The following DPP8 variants were observed in gnomAD, a reference collection of about 807,000 sequenced individuals.
DPP8 encodes DPP VIII.
A neutral mutation model predicts 107.5 loss-of-function variants in DPP8; 31 were observed. That is an observed-to-expected ratio of 0.29 (90% confidence interval 0.22 to 0.39). The LOEUF (loss-of-function observed/expected upper bound fraction) is 0.39. Ranked by LOEUF, DPP8 falls within the 10% of genes least tolerant of loss-of-function variation. The probability of loss-of-function intolerance (pLI) is 1.00; values close to 1 mark genes in which losing one functional copy is unlikely to be tolerated. For synonymous variants in DPP8, 381 were observed against 356.6 expected (o/e 1.07, Z -0.77); for missense variants, 842 against 1,076.1 (o/e 0.78, Z 3.04).
chr15:65,494,856 T>C (rs891558658), intron 5 of DPP8, among the ~76,000 whole-genome samples: 1 of 152,244 alleles, frequency 6.6e-6, no homozygotes, highest in African/African-American at 2.4e-5. Context: ...ATGCTCTAGA[T>C]TTAGGCCATA....
At chr15:65,479,450 C>G (rs2066698058) in intron 10 of DPP8, among the ~76,000 whole-genome samples, 2 of 152,138 alleles carry the variant, frequency 1.3e-5, no homozygotes, top group Admixed American at 1.3e-4. Context: ...ATAGGTGAAT[C>G]ATATGAAGCT....
intron 6 of DPP8, among the ~76,000 whole-genome samples, chr15:65,488,295 A>G (rs2067635244): frequency 6.6e-6 from 1 of 152,112 alleles, no homozygotes; most frequent in Non-Finnish European, 1.5e-5. Context: ...GCTTAAAAGT[A>G]TTTTTCAGGG....
At position 65,442,584 on chromosome 15, in the gene DPP8, TA is replaced by T. The variant is rs2140264875; in HGVS notation, c.*4299del. ...CTAAAAATGAGAAAACCCATAAGCT[TA>T]CTGGAGACATGCAATTCTTTTTATA... On this transcript the variant is annotated 3_prime_UTR_variant, in exon 20 of 20. Coordinates refer to ENST00000300141, the MANE Select transcript of DPP8 (RefSeq NM_130434.5). 1 of 152,326 alleles carries T rather than the reference TA, an allele frequency of 6.6e-6. No individual in the cohort carries two copies. Among genetic ancestry groups the T allele is most frequent in the African/African-American group, 2.4e-5 (1 of 41,580 alleles). 9.4% of individuals were successfully genotyped at this position (152,326 alleles called of 1,614,324 possible). A position where few individuals can be genotyped will look rare whatever the true frequency, so the allele number is the denominator to read the frequency against.
chr15:65,472,834 G>A (rs1683772685), intron 12 of DPP8, among the ~76,000 whole-genome samples: 1 of 152,110 alleles, frequency 6.6e-6, no homozygotes, highest in African/African-American at 2.4e-5. Flanking sequence ...TAGCTCAGGA[G>A]TTTGAGACCA....
At chr15:65,515,574 G>A in intron 1 of DPP8, 4 of 1,199,840 alleles carry the variant, frequency 3.3e-6, no homozygotes, top group Non-Finnish European at 4.9e-6. Flanking sequence ...AGGAAAATAG[G>A]GTCAGTGTAC....
chr15:65,507,198 T>C, intron 3 of DPP8, 45 bp downstream of exon 3: 2 of 1,131,534 alleles, frequency 1.8e-6, no homozygotes, highest in South Asian at 1.5e-5. Context: ...ATGCAGTATC[T>C]GAATACATAC....
intron 6 of DPP8, 148 bp downstream of exon 6, chr15:65,490,041 T>C (rs2067868888): frequency 3.3e-6 from 2 of 614,936 alleles, no homozygotes; most frequent in Non-Finnish European, 5.7e-6. Context: ...TTTAAATAAC[T>C]ATGGGCATGA....
chr15:65,478,383 C>T lies in DPP8; in HGVS notation c.1456+497G>A, dbSNP rs373359327. On this transcript the variant is annotated intron_variant, in intron 11 of 19. Transcript: ENST00000300141. ...AAGTGATTTTCCTGCCTCAGCTTCC[C>T]GAGTAAGCTAAGACTACAGGTGCAC... Among the ~76,000 whole-genome samples the T allele has an allele frequency of 4.6e-5, 7 of 152,126 alleles. No homozygotes were observed. In the East Asian group the frequency reaches 5.8e-4, roughly 13 times the overall value.
intron 19 of DPP8, among the ~76,000 whole-genome samples, chr15:65,449,372 A>C (rs2063799078): frequency 6.6e-6 from 1 of 151,338 alleles, no homozygotes; most frequent in South Asian, 2.1e-4. Context: ...AGTATCAAAG[A>C]ATAGTATTTA....
chr15:65,512,627 T>C (rs752006441), intron 1 of DPP8, 63 bp from the exon 2 acceptor site: 1 of 1,558,316 alleles, frequency 6.4e-7, no homozygotes, highest in Non-Finnish European at 8.7e-7. Context: ...AATGATTCTC[T>C]GAGAGGGTCA....
chr15:65,509,739 G>A lies in DPP8; in HGVS notation c.260-2384C>T, dbSNP rs189618678. On this transcript the variant is annotated intron_variant, in intron 2 of 19. Coordinates refer to ENST00000300141, the MANE Select transcript of DPP8 (RefSeq NM_130434.5). ...ATTTCTTATAAAAGAAAAGATTTCT[G>A]GCCAGGTGTAGTGGCTCACATCTGC... Among the ~76,000 whole-genome samples, 351 of 152,282 alleles carry A rather than the reference G, an allele frequency of 2.3e-3. 2 individuals carry two copies. The highest frequency in any genetic ancestry group is 0.01 in the South Asian group (49 of 4,834).
intron 3 of DPP8, 72 bp from the exon 4 acceptor site, chr15:65,500,851 A>T: frequency 2.0e-6 from 2 of 992,140 alleles, no homozygotes; most frequent in South Asian, 1.7e-5. Flanking sequence ...CTGAAATCCT[A>T]GAATCTCCAA....
chr15:65,461,199 T>C (rs1471706806), intron 15 of DPP8, among the ~76,000 whole-genome samples: 5 of 152,104 alleles, frequency 3.3e-5, no homozygotes, highest in Non-Finnish European at 5.9e-5. Context: ...GGCTGGAGTA[T>C]AGCGGCATGA....
intron 18 of DPP8, among the ~76,000 whole-genome samples, chr15:65,451,731 C>T (rs2063988829): frequency 6.6e-6 from 1 of 151,598 alleles, no homozygotes; most frequent in African/African-American, 2.4e-5. Flanking sequence ...TTGAGACCAC[C>T]CTAGGCAACA....
At chr15:65,517,208 G>A (rs2071558172) in intron 1 of DPP8, 1 of 152,272 alleles carries the variant, frequency 6.6e-6, no homozygotes, top group African/African-American at 2.4e-5. Context: ...TAACGGACGT[G>A]GAAGCCAGGA....
At chr15:65,450,851 G>A in intron 19 of DPP8, 148 bp downstream of exon 19, 2 of 558,954 alleles carry the variant, frequency 3.6e-6, no homozygotes, top group Non-Finnish European at 6.3e-6. Context: ...TCCAACTACA[G>A]GCACTACTAA....
intron 8 of DPP8, among the ~76,000 whole-genome samples, chr15:65,482,427 A>G (rs2067014072): frequency 6.6e-6 from 1 of 151,938 alleles, no homozygotes; most frequent in Admixed American, 6.6e-5. Context: ...GATTATGGGT[A>G]TATACCACCA....
rs369630546 is a variant in DPP8 at position 65,466,672 on chromosome 15, G to C, written c.1825+6C>G. 2.8e-4 allele frequency: 459 copies of C among 1,613,310 alleles called. 1 individual carries two copies. In the African/African-American group the frequency reaches 5.3e-3, roughly 19 times the overall value. ...TAACGTCAGGATCAGGGGGAAAAAA[G>C]AATACCTGCTGAATCCAAAATGGTG... On this transcript the variant is annotated splice_donor_region_variant and intron_variant, in intron 14 of 19. Transcript: ENST00000300141.
chr15:65,451,917 CCT>C (rs2064008184), intron 18 of DPP8, 41 bp downstream of exon 18: 1 of 1,523,162 alleles, frequency 6.6e-7, no homozygotes, highest in African/African-American at 1.4e-5. Flanking sequence ...AGAGTGAGAC[CCT>C]GTCTCAATTT....
Sources: allele counts gnomAD v4.1 joint callset (sites outside exome capture counted in the v4.1 genomes callset), GRCh38; gene constraint gnomAD v4.1.1; transcripts MANE v1.5; gene names NCBI Gene and HGNC (gene_info 2026-07-23, HGNC 2026-07-21).